DPY19L3: variants seen among roughly 807,000 people sequenced by gnomAD.
The protein encoded by DPY19L3 is protein C-mannosyl-transferase DPY19L3.
Under a neutral mutation model 92.3 loss-of-function variants are expected in DPY19L3, and 51 were observed. The observed-to-expected ratio is 0.55, with a 90% CI of 0.44 to 0.70. The LOEUF (loss-of-function observed/expected upper bound fraction) is 0.70, where lower values mean the gene tolerates loss of function less well. Among genes scored for constraint, DPY19L3 ranks in the 30% least tolerant of loss-of-function variants. The probability of loss-of-function intolerance (pLI) is 0.00; values close to 1 mark genes in which losing one functional copy is unlikely to be tolerated. For missense variants in DPY19L3, 706 were observed against 855.9 expected, an observed-to-expected ratio of 0.82 and a Z score of 2.18; for synonymous variants, 309 against 315.2, an observed-to-expected ratio of 0.98 and a Z score of 0.21.
intron 12 of DPY19L3, among the ~76,000 whole-genome samples, chr19:32,463,082 G>GTTT (rs5827799): frequency 9.4e-5 from 14 of 148,756 alleles, no homozygotes; most frequent in African/African-American, 3.2e-4. Flanking sequence ...AAAAATTTGA[G>GTTT]TTTTTTTTTT....
rs188035753 is a variant in DPY19L3, at chr19:32,414,571, G to A, written c.237+3199G>A. Among the ~76,000 whole-genome samples, 678 of 151,830 alleles carry A rather than the reference G, an allele frequency of 4.5e-3. 4 individuals carry two copies. The highest frequency in any genetic ancestry group is 0.016 in the African/African-American group (646 of 41,350). On this transcript the variant is annotated intron_variant, in intron 3 of 18. Coordinates refer to ENST00000392250, the MANE Select transcript of DPY19L3 (RefSeq NM_001172774.2). ...ATCATGCCACTGCACTCCAGCCTGG[G>A]TGACAAAGTGAGATTTCATCTCAAA...
intron 2 of DPY19L3, among the ~76,000 whole-genome samples, chr19:32,409,942 G>A (rs1249891293): frequency 6.6e-6 from 1 of 152,184 alleles, no homozygotes; most frequent in Non-Finnish European, 1.5e-5. Flanking sequence ...AACCACAGCA[G>A]GGTACATGCC....
intron 16 of DPY19L3, chr19:32,469,198 T>C (rs1384382230): frequency 1.2e-5 from 2 of 161,246 alleles, no homozygotes; most frequent in South Asian, 3.2e-4. Flanking sequence ...ATGGTGACAC[T>C]TGAAAGTATT....
At chr19:32,465,133 A>G (rs1707268759) in intron 15 of DPY19L3, among the ~76,000 whole-genome samples, 1 of 152,238 alleles carries the variant, frequency 6.6e-6, no homozygotes, top group African/African-American at 2.4e-5. Context: ...ATTTATATAG[A>G]CTAAGAGATT....
chr19:32,413,221 A>G (rs1333310000), intron 3 of DPY19L3: 1 of 152,214 alleles, frequency 6.6e-6, no homozygotes, highest in Non-Finnish European at 1.5e-5. Flanking sequence ...GAAAGAAGTG[A>G]CTGATGAAGG....
chr19:32,439,082 C>T (rs758336744), intron 6 of DPY19L3, 30 bp from the exon 7 acceptor site: 1 of 1,583,038 alleles, frequency 6.3e-7, no homozygotes, highest in Non-Finnish European at 8.6e-7. Context: ...AAAACTATCA[C>T]TTTGGCCATT....
At chr19:32,417,980 T>TA (rs1279440132) in intron 3 of DPY19L3, among the ~76,000 whole-genome samples, 3 of 152,238 alleles carry the variant, frequency 2.0e-5, no homozygotes, top group Middle Eastern at 3.4e-3. Flanking sequence ...AAGCTAGACT[T>TA]ACGGGGCTGA....
intron 8 of DPY19L3, among the ~76,000 whole-genome samples, chr19:32,447,703 C>T (rs868756736): frequency 4.4e-4 from 66 of 148,952 alleles, no homozygotes; most frequent in African/African-American, 1.3e-3. Flanking sequence ...GCAATGAGAG[C>T]GAAACTCCGT....
chr19:32,437,336 A>G lies in DPY19L3; in HGVS notation c.593A>G (p.Asn198Ser). The part of the protein sequence containing the change: ...GLLAAFWYVT[N>S]RIDTTRVEFT... ...TTGGCAGCTTTCTGGTATGTCACAA[A>G]TAGGTGAGTTGGAGTCAGTATGCTT... The change falls in exon 6 of 19, where the codon AAT becomes AGT. Residue 198 changes from asparagine to serine, a missense_variant. Coordinates refer to ENST00000392250, the MANE Select transcript of DPY19L3 (RefSeq NM_001172774.2). 2 of 1,613,416 alleles carry G rather than the reference A, an allele frequency of 1.2e-6. No individual in the cohort carries two copies.
intron 4 of DPY19L3, among the ~76,000 whole-genome samples, chr19:32,436,040 C>T (rs1039563332): frequency 2.6e-5 from 4 of 152,236 alleles, no homozygotes; most frequent in Non-Finnish European, 4.4e-5. Context: ...ACTTACATGC[C>T]ACTGGTTAGA....
At chr19:32,479,291 C>A (rs1970602771) in intron 17 of DPY19L3, among the ~76,000 whole-genome samples, 1 of 152,090 alleles carries the variant, frequency 6.6e-6, no homozygotes, top group South Asian at 2.1e-4. Context: ...GGCTCCCTGG[C>A]TTTCCAGGCA....
At chr19:32,480,846 G>A (rs576726110) in intron 18 of DPY19L3, 8 of 481,566 alleles carry the variant, frequency 1.7e-5, no homozygotes, top group East Asian at 9.8e-5. Context: ...TGCATAAAAT[G>A]TATCTGTGAA....
In DPY19L3 at chr19:32,413,924, A is replaced by G. The variant is rs564689496; in HGVS notation, c.237+2552A>G. 3.3e-5 allele frequency among the ~76,000 whole-genome samples: 5 copies of G among 152,142 alleles called. No individual in the cohort carries two copies. In the South Asian group the frequency reaches 1.0e-3, roughly 31 times the overall value. On this transcript the variant is annotated intron_variant, in intron 3 of 18. Coordinates refer to ENST00000392250, the MANE Select transcript of DPY19L3 (RefSeq NM_001172774.2). ...AATTTTTTGTAGAGATGGGCCTACT[A>G]TGTTGCCCAGGCTGTTCTCAAACTC...
chr19:32,438,947 G>A (rs1406761812), intron 6 of DPY19L3, 165 bp from the exon 7 acceptor site: 2 of 447,506 alleles, frequency 4.5e-6, no homozygotes, highest in Admixed American at 1.1e-4. Flanking sequence ...TTACAGGGAT[G>A]ATGATGATGA....
At chr19:32,481,437 CAG>C (rs1970670757) in intron 18 of DPY19L3, 1 of 151,926 alleles carries the variant, frequency 6.6e-6, no homozygotes, top group Admixed American at 6.6e-5. Flanking sequence ...TTTTTAGAGA[CAG>C]GGTCTCACTC....
intron 3 of DPY19L3, among the ~76,000 whole-genome samples, chr19:32,419,058 G>A (rs1424912998): frequency 6.6e-6 from 1 of 151,754 alleles, no homozygotes; most frequent in African/African-American, 2.4e-5. Flanking sequence ...CCCTTGCTAG[G>A]AAATTGAAAG....
intron 16 of DPY19L3, among the ~76,000 whole-genome samples, chr19:32,472,472 A>G (rs1290017679): frequency 1.3e-5 from 2 of 151,468 alleles, no homozygotes; most frequent in African/African-American, 2.4e-5. Context: ...AAATGCATAT[A>G]TTCATATTTA....
chr19:32,463,735 C>T (rs748741430), intron 13 of DPY19L3, 134 bp from the exon 14 acceptor site: 7 of 885,660 alleles, frequency 7.9e-6, no homozygotes, highest in South Asian at 6.8e-5. Flanking sequence ...ACGAACCCTT[C>T]GGCAAATGGC....
Position 32,482,500 on chromosome 19 carries a change from A to T in DPY19L3, c.*260A>T, listed in dbSNP as rs147219886. 611 of 365,802 alleles carry T rather than the reference A, an allele frequency of 1.7e-3. 1 individual carries two copies. The highest frequency in any genetic ancestry group is 2.4e-3 in the Non-Finnish European group (489 of 202,126). 22.7% of individuals were successfully genotyped at this position (365,802 alleles called of 1,614,324 possible). A position where few individuals can be genotyped will look rare whatever the true frequency, so the allele number is the denominator to read the frequency against. The stretch of plus-strand genomic sequence containing the variant: ...AACTTTCTAAGAGTGACCTAGAATT[A>T]TGTTGTTGGAGAGAATGATGTGTGT... On this transcript the variant is annotated 3_prime_UTR_variant, in exon 19 of 19. Transcript: ENST00000392250.
Sources: gnomAD v4.1 joint callset for allele counts (sites outside exome capture counted in the v4.1 genomes callset) on GRCh38, gnomAD v4.1.1 for gene constraint, MANE v1.5 for transcripts, NCBI Gene and HGNC (gene_info 2026-07-23, HGNC 2026-07-21) for gene names.